EXPH5: variants seen among roughly 807,000 people sequenced by gnomAD.
EXPH5 encodes the protein exophilin-5.
In EXPH5, 42 loss-of-function variants were observed where a neutral mutation model predicts 41.1. The ratio of observed to expected loss-of-function variants is 1.02; its 90% CI spans 0.80 to 1.32. EXPH5 has a LOEUF of 1.32. Ranked by LOEUF, EXPH5 falls within the 40% of genes most tolerant of loss-of-function variation. The probability of loss-of-function intolerance (pLI) is 0.00; values close to 1 mark genes in which losing one functional copy is unlikely to be tolerated. For synonymous variants in EXPH5, 798 were observed against 833.5 expected (o/e 0.96, Z 0.73); for missense variants, 2,298 against 2,314.5 (o/e 0.99, Z 0.15).
the EXPH5 span, among the ~76,000 whole-genome samples, chr11:108,602,798 C>G: frequency 6.6e-6 from 1 of 152,318 alleles, no homozygotes; most frequent in South Asian, 2.1e-4. Flanking sequence ...ACTGCAAATA[C>G]TATGCAAATC....
At chr11:108,563,771 T>C (rs767495511) in intron 1 of EXPH5, among the ~76,000 whole-genome samples, 4 of 152,218 alleles carry the variant, frequency 2.6e-5, no homozygotes, top group Admixed American at 1.3e-4. Flanking sequence ...CAGAGGTTGA[T>C]GGGGAAAGGG....
intron 1 of EXPH5, among the ~76,000 whole-genome samples, chr11:108,557,481 G>T (rs1330760567): frequency 6.6e-6 from 1 of 152,180 alleles, no homozygotes; most frequent in African/African-American, 2.4e-5. Context: ...GCATAGCTGG[G>T]ATTCCAGGCG....
intron 4 of EXPH5, among the ~76,000 whole-genome samples, chr11:108,519,748 G>GGAAAAAAA (rs1274240770): frequency 6.8e-6 from 1 of 147,888 alleles, no homozygotes; most frequent in Non-Finnish European, 1.5e-5. Flanking sequence ...ACTCTGTCTT[G>GGAAAAAAA]GAAAAAAAGA....
Position 108,514,425 on chromosome 11 carries a change from T to C in EXPH5, c.1082A>G (p.Gln361Arg), listed in dbSNP as rs1359732033. ...TGATAAAGGAGTTCTCTTTGGACTC[T>C]GCTGGTGCCTTGGTGGTATAAACCC... ...KSGFIPPRHQQSPKRTPLSSI... is the reference protein window; with the variant it reads ...KSGFIPPRHQRSPKRTPLSSI... Residue 361 changes from glutamine (Q) to arginine (R), a missense_variant, in exon 6 of 6, where the codon CAG (glutamine) becomes CGG (arginine). Physicochemically the swap from Gln to Arg is conservative, Grantham distance 43. Transcript: ENST00000265843. The C allele has an allele frequency of 6.2e-7, 1 of 1,614,186 alleles. No individual in the cohort carries two copies. The highest frequency in any genetic ancestry group is 1.1e-5 in the South Asian group (1 of 91,080).
chr11:108,515,117 C>T (rs1243719432), intron 5 of EXPH5, among the ~76,000 whole-genome samples: 4 of 151,916 alleles, frequency 2.6e-5, no homozygotes, highest in Non-Finnish European at 2.9e-5. Context: ...CTTCCATTAA[C>T]GCCGTAAGGA....
chr11:108,587,478 C>T (rs1025325713), intron 1 of EXPH5, among the ~76,000 whole-genome samples: 8 of 152,172 alleles, frequency 5.3e-5, no homozygotes, highest in Non-Finnish European at 1.0e-4. Flanking sequence ...GTGTGAGGCT[C>T]TCCATCCCTG....
At chr11:108,598,607 C>T (rs1402096735), upstream of EXPH5, among the ~76,000 whole-genome samples, 2 of 151,766 alleles carry the variant, frequency 1.3e-5, no homozygotes, top group Admixed American at 6.6e-5. Context: ...GGAAGGGTAC[C>T]CTGAGGTGAC....
At chr11:108,533,932 C>T (rs1346067499) in intron 3 of EXPH5, among the ~76,000 whole-genome samples, 11 of 152,138 alleles carry the variant, frequency 7.2e-5, no homozygotes. Flanking sequence ...GTAGCTAGTA[C>T]TACAAGTGTG....
At chr11:108,576,643 GT>G (rs2094080605) in intron 1 of EXPH5, among the ~76,000 whole-genome samples, 1 of 152,096 alleles carries the variant, frequency 6.6e-6, no homozygotes, top group Non-Finnish European at 1.5e-5. Context: ...TGGGATACAT[GT>G]GATATTTAAT....
At chr11:108,518,953 C>G (rs1385763407) in intron 4 of EXPH5, among the ~76,000 whole-genome samples, 1 of 152,168 alleles carries the variant, frequency 6.6e-6, no homozygotes, top group Non-Finnish European at 1.5e-5. Flanking sequence ...GGAAGTTACT[C>G]TATATGGGCT....
intron 1 of EXPH5, 30 bp from the exon 2 acceptor site, chr11:108,541,842 T>A: frequency 6.6e-7 from 1 of 1,517,382 alleles, no homozygotes; most frequent in Non-Finnish European, 8.9e-7. Context: ...TAATGTGGTC[T>A]TTATTTATTT....
chr11:108,588,629 G>A (rs2094120083), intron 1 of EXPH5, among the ~76,000 whole-genome samples: 3 of 152,276 alleles, frequency 2.0e-5, no homozygotes, highest in East Asian at 1.9e-4. Flanking sequence ...CACACAAAGA[G>A]CTTAGCATGG....
intron 1 of EXPH5, among the ~76,000 whole-genome samples, chr11:108,554,536 C>T (rs73548797): frequency 0.045 from 6,799 of 151,998 alleles, 511 homozygotes; most frequent in African/African-American, 0.16. Flanking sequence ...GTGAAATGTG[C>T]AGGATGGGTG....
At position 108,550,846 on chromosome 11, in the gene EXPH5, GA is replaced by G. The variant is rs558797945; in HGVS notation, c.120-9035del. Among the ~76,000 whole-genome samples the G allele has an allele frequency of 1.7e-4, 26 of 151,878 alleles. No individual in the cohort carries two copies. The South Asian group carries it at 4.0e-3, about 23-fold the overall frequency. ...TGGGGTGGTTCGTTATGTACAAATT[GA>G]AAAAAACATGGATACAGATGAGGTT... On this transcript the variant is annotated intron_variant, in intron 1 of 5. Coordinates refer to ENST00000265843, the MANE Select transcript of EXPH5 (RefSeq NM_015065.3).
At chr11:108,599,330 A>G in the EXPH5 span, among the ~76,000 whole-genome samples, 1 of 152,222 alleles carries the variant, frequency 6.6e-6, no homozygotes, top group African/African-American at 2.4e-5. Context: ...GACTGTTTCC[A>G]TATTTTAATA....
chr11:108,589,316 G>A (rs1046990989), intron 1 of EXPH5, among the ~76,000 whole-genome samples: 1 of 152,190 alleles, frequency 6.6e-6, no homozygotes, highest in African/African-American at 2.4e-5. Flanking sequence ...TGGGAGAGGA[G>A]AGGGCAGGCA....
intron 2 of EXPH5, among the ~76,000 whole-genome samples, chr11:108,539,699 T>C (rs1245428417): frequency 2.0e-5 from 3 of 152,196 alleles, no homozygotes; most frequent in African/African-American, 4.8e-5. Flanking sequence ...TGTGTTTGCA[T>C]GTAACATATA....
intron 1 of EXPH5, among the ~76,000 whole-genome samples, chr11:108,547,922 C>T (rs2093945742): frequency 6.6e-6 from 1 of 151,944 alleles, no homozygotes. Flanking sequence ...CCAGCCTGGC[C>T]AACATGGCGA....
At chr11:108,592,756 C>G (rs112482786) in intron 1 of EXPH5, among the ~76,000 whole-genome samples, 1 of 152,310 alleles carries the variant, frequency 6.6e-6, no homozygotes, top group Non-Finnish European at 1.5e-5. Context: ...CCCACAGCAC[C>G]ACGCACAAGA....
Sources: gnomAD v4.1 joint callset for allele counts (sites outside exome capture counted in the v4.1 genomes callset) on GRCh38, gnomAD v4.1.1 for gene constraint, MANE v1.5 for transcripts, NCBI Gene and HGNC (gene_info 2026-07-23, HGNC 2026-07-21) for gene names.